Variants in KDM6B observed in about 807,000 individuals in gnomAD.
KDM6B encodes the protein lysine demethylase 6B.
Under a neutral mutation model 150.4 loss-of-function variants are expected in KDM6B, and 22 were observed. The ratio of observed to expected loss-of-function variants is 0.15; its 90% confidence interval spans 0.10 to 0.21. KDM6B has a LOEUF of 0.21. KDM6B is among the 10% of genes least tolerant of loss of function. The probability of loss-of-function intolerance (pLI) is 1.00; values close to 1 mark genes in which losing one functional copy is unlikely to be tolerated. For synonymous variants in KDM6B, 1,148 were observed against 921.1 expected, an observed-to-expected ratio of 1.25 and a Z score of -4.46; for missense variants, 1,984 against 2,234.3, an observed-to-expected ratio of 0.89 and a Z score of 2.26.
chr17:7,853,842 A>G lies in KDM6B; in HGVS notation c.*321A>G, dbSNP rs1332360712. On this transcript the variant is annotated 3_prime_UTR_variant, in exon 24 of 24. Coordinates refer to ENST00000448097, the MANE Select transcript of KDM6B (RefSeq NM_001348716.2). The stretch of plus-strand genomic sequence containing the variant: ...GCTCCGGCGGCGGCGGGGGTCACAT[A>G]CGGGTTCCCTCACCCTGCCAGCCGC... The G allele has an allele frequency of 1.0e-5, 2 of 198,638 alleles. No individual in the cohort carries two copies. Among genetic ancestry groups the G allele is most frequent in the Non-Finnish European group, 2.0e-5 (2 of 99,130 alleles). 12.3% of individuals were successfully genotyped at this position (198,638 alleles called of 1,614,324 possible).
At position 7,849,255 on chromosome 17, in the gene KDM6B, C is replaced by G; in HGVS notation, c.2967C>G (p.Ala989=). 6.4e-7 allele frequency: 1 copy of G among 1,560,648 alleles called. No individual in the cohort carries two copies. The highest frequency in any genetic ancestry group is 8.7e-7 in the Non-Finnish European group (1 of 1,151,870). Residue 989 remains alanine, a synonymous_variant, in exon 12 of 24, where the codon GCC becomes GCG. Transcript: ENST00000448097. ...HQKEHRRHRR[A]CKDSVGRRPR... ...AGGAGCATCGGCGGCACAGGCGGGC[C>G]TGTAAGGACAGTGTGGGTCGTCGGC...
intron 2 of KDM6B, among the ~76,000 whole-genome samples, chr17:7,841,780 G>T (rs1038726851): frequency 6.6e-6 from 1 of 152,226 alleles, no homozygotes; most frequent in East Asian, 1.9e-4. Context: ...ACTCCTCGGT[G>T]GGGGGCGGGG....
At chr17:7,836,240 C>CA (rs1349272382) in intron 1 of KDM6B, among the ~76,000 whole-genome samples, 2 of 152,346 alleles carry the variant, frequency 1.3e-5, no homozygotes, top group East Asian at 1.9e-4. Flanking sequence ...TGATGTGCAC[C>CA]AAAACCCTTC....
chr17:7,853,166 A>T, intron 22 of KDM6B, 40 bp downstream of exon 22: 1 of 1,614,012 alleles, frequency 6.2e-7, no homozygotes, highest in Non-Finnish European at 8.5e-7. Context: ...GAGTGTCCAC[A>T]GTGGCCCTCC....
intron 21 of KDM6B, 32 bp downstream of exon 21, chr17:7,852,668 C>G: frequency 6.2e-7 from 1 of 1,613,432 alleles, no homozygotes. Flanking sequence ...GAGCCCACCT[C>G]CACTGACTGG....
In KDM6B at chr17:7,850,850, T is replaced by C. The variant is rs544620717; in HGVS notation, c.3674-171T>C. 1.7e-4 allele frequency among the ~76,000 whole-genome samples: 26 copies of C among 152,302 alleles called. No individual in the cohort carries two copies. In the South Asian group the frequency reaches 5.2e-3, roughly 30 times the overall value. Reference sequence around the variant, plus strand: ...TGAGGATGCAGATAGAGGCCAGCACTCCCAGCTTCCTGTGGGGCTAGGGCT... The same window carrying C: ...TGAGGATGCAGATAGAGGCCAGCACCCCCAGCTTCCTGTGGGGCTAGGGCT... On this transcript the variant is annotated intron_variant, in intron 14 of 23. Transcript: ENST00000448097.
At chr17:7,850,939 G>T (rs927168554) in intron 14 of KDM6B, 82 bp from the exon 15 acceptor site, 19 of 1,245,670 alleles carry the variant, frequency 1.5e-5, no homozygotes, top group Non-Finnish European at 1.8e-5. Context: ...AGCCAGAGGA[G>T]TAGGAAGGGA....
chr17:7,837,384 A>T (rs1314939686), intron 1 of KDM6B, among the ~76,000 whole-genome samples: 1 of 152,210 alleles, frequency 6.6e-6, no homozygotes, highest in Non-Finnish European at 1.5e-5. Context: ...AAGAAACAGT[A>T]TTAGGCTGAA....
rs755198289 is a variant in KDM6B, at chr17:7,847,660, C to A, written c.1372C>A (p.His458Asn). The A allele has an allele frequency of 1.2e-6, 2 of 1,609,150 alleles. No homozygotes were observed. Among genetic ancestry groups the A allele is most frequent in the South Asian group, 2.2e-5 (2 of 90,682 alleles). The change falls in exon 12 of 24, where the codon CAC (histidine) becomes AAC (asparagine). Residue 458 changes from histidine (H) to asparagine (N), a missense_variant. Around this residue, in one of 13 missense-constraint regions of KDM6B, gnomAD observed 1,379 missense variants for 1,275.6 expected, o/e 1.08. Coordinates refer to ENST00000448097, the MANE Select transcript of KDM6B (RefSeq NM_001348716.2). ...PFLGAPAATP[H>N]LSLPPGPSSP... ...CTTGGGGGCTCCCGCTGCCACTCCC[C>A]ACCTATCCCTGCCACCTGGACCTTC...
At position 7,845,545 on chromosome 17, in the gene KDM6B, C is replaced by G. The variant is rs577954711; in HGVS notation, c.-5-5C>G. 6.2e-7 allele frequency: 1 copy of G among 1,614,008 alleles called. No individual in the cohort carries two copies. The highest frequency in any genetic ancestry group is 8.5e-7 in the Non-Finnish European group (1 of 1,180,032). On this transcript the variant is annotated splice_region_variant and splice_polypyrimidine_tract_variant and intron_variant, in intron 4 of 23. Coordinates refer to ENST00000448097, the MANE Select transcript of KDM6B (RefSeq NM_001348716.2). ...TAAGAGCATAATTTCTTATCCCCAA[C>G]TCAGGCTGGATGCATCGGGCAGTGG...
Position 7,847,941 on chromosome 17 carries a change from C to T in KDM6B, c.1653C>T (p.Thr551=). The T allele has an allele frequency of 6.2e-7, 1 of 1,611,754 alleles. No individual in the cohort carries two copies. ...HTPPTPPTPT[T]SSSNSNSGSH... ...CTCCCACTCCCCCAACCCCAACCAC[C>T]AGCAGTAGCAACAGCAACAGTGGCA... The change falls in exon 12 of 24, where the codon ACC becomes ACT. Residue 551 remains threonine (T), a synonymous_variant. Coordinates refer to ENST00000448097, the MANE Select transcript of KDM6B (RefSeq NM_001348716.2).
Position 7,848,319 on chromosome 17 carries a change from G to C in KDM6B, c.2031G>C (p.Pro677=). Residue 677 remains proline (P), a synonymous_variant, in exon 12 of 24, where the codon CCG becomes CCC. Transcript: ENST00000448097. ...GPRLFDFPPT[P]LEDQFEEPAE... is the part of the protein sequence containing the mutation. ...GACTCTTTGATTTTCCCCCCACTCC[G>C]CTGGAGGACCAGTTTGAGGAGCCAG... is the stretch of plus-strand genomic sequence containing the variant. 1 of 1,611,912 alleles carries C rather than the reference G, an allele frequency of 6.2e-7. No homozygotes were observed. Among genetic ancestry groups the C allele is most frequent in the Non-Finnish European group, 8.5e-7 (1 of 1,179,824 alleles).
intron 1 of KDM6B, among the ~76,000 whole-genome samples, chr17:7,835,694 G>A (rs2078321242): frequency 6.6e-6 from 1 of 152,126 alleles, no homozygotes; most frequent in African/African-American, 2.4e-5. Context: ...GGCGGAGGCT[G>A]GGAGGCAGCA....
chr17:7,852,081 C>T lies in KDM6B; in HGVS notation c.4280+16C>T, dbSNP rs375981387. 6.4e-5 allele frequency: 104 copies of T among 1,613,578 alleles called. No homozygotes were observed. Among genetic ancestry groups the T allele is most frequent in the East Asian group, 1.6e-4 (7 of 44,890 alleles). ...TCTGTGATCGGTGCGTGCCGTCCTG[C>T]GCAAGTCAGACTGCCGCGTCCCCGC... On this transcript the variant is annotated intron_variant, in intron 19 of 23. Transcript: ENST00000448097.
rs1450145974 is a variant in KDM6B at position 7,853,580 on chromosome 17, T to A, written c.*59T>A. The A allele has an allele frequency of 1.6e-6, 2 of 1,288,092 alleles. No individual in the cohort carries two copies. The highest frequency in any genetic ancestry group is 1.6e-5 in the African/African-American group (1 of 63,082). 79.8% of individuals were successfully genotyped at this position (1,288,092 alleles called of 1,614,324 possible). A position where few individuals can be genotyped will look rare whatever the true frequency, so the allele number is the denominator to read the frequency against. On this transcript the variant is annotated 3_prime_UTR_variant, in exon 24 of 24. Transcript: ENST00000448097. Reference sequence around the variant, plus strand: ...AAGGCGCCGCGGGGCCACCAGCACATGCCTGGGCTGGACCTAGGTCCCGCC... The same window carrying A: ...AAGGCGCCGCGGGGCCACCAGCACAAGCCTGGGCTGGACCTAGGTCCCGCC...
At position 7,846,270 on chromosome 17, in the gene KDM6B, G is replaced by A. The variant is rs1231841716; in HGVS notation, c.429G>A (p.Leu143=). The change falls in exon 7 of 24, where the codon CTG becomes CTA. Residue 143 remains leucine (L), a synonymous_variant. Coordinates refer to ENST00000448097, the MANE Select transcript of KDM6B (RefSeq NM_001348716.2). Reference sequence around the variant, plus strand: ...GATACGGAGGAAGCTTCGCTGAGCTGGGGCCCCGCATTGGCCGACTGCAGC... The same window carrying A: ...GATACGGAGGAAGCTTCGCTGAGCTAGGGCCCCGCATTGGCCGACTGCAGC... ...ALRYGGSFAE[L]GPRIGRLQQA... 1 of 1,613,594 alleles carries A rather than the reference G, an allele frequency of 6.2e-7. No individual in the cohort carries two copies.
intron 2 of KDM6B, among the ~76,000 whole-genome samples, chr17:7,841,974 T>C (rs2078424011): frequency 6.6e-6 from 1 of 152,054 alleles, no homozygotes; most frequent in African/African-American, 2.4e-5. Context: ...AGGGAGCGGG[T>C]TGCGACGAGG....
chr17:7,841,649 G>GAGAC (rs1263580211), intron 2 of KDM6B, among the ~76,000 whole-genome samples: 5 of 152,344 alleles, frequency 3.3e-5, no homozygotes, highest in Admixed American at 3.3e-4. Flanking sequence ...GGTGCACGCG[G>GAGAC]AGACAGACAC....
chr17:7,834,301 C>G lies in KDM6B; in HGVS notation c.-437C>G, dbSNP rs2078286227. 6.6e-6 allele frequency among the ~76,000 whole-genome samples: 1 copy of G among 151,744 alleles called. No individual in the cohort carries two copies. The highest frequency in any genetic ancestry group is 2.1e-4 in the South Asian group (1 of 4,818). ...GGGAGAAGGGGGGGCCGCTCGACCC[C>G]CTGGGATACCTTGGGGAGCCTGAAC... On this transcript the variant is annotated 5_prime_UTR_variant, in exon 1 of 24. Coordinates refer to ENST00000448097, the MANE Select transcript of KDM6B (RefSeq NM_001348716.2).
Sources: gnomAD v4.1 joint callset for allele counts (sites outside exome capture counted in the v4.1 genomes callset) on GRCh38, gnomAD v4.1.1 for gene constraint, gnomAD v4.1.1 regional missense constraint, MANE v1.5 for transcripts, NCBI Gene and HGNC (gene_info 2026-07-23, HGNC 2026-07-21) for gene names.